RIPOR2: variants seen among roughly 807,000 people sequenced by gnomAD.
RIPOR2 encodes rho family-interacting cell polarization regulator 2.
A neutral mutation model predicts 114.5 loss-of-function variants in RIPOR2; 39 were observed. That is an observed-to-expected ratio of 0.34 (90% CI 0.26 to 0.44). The LOEUF is 0.44. Among genes scored for constraint, RIPOR2 ranks in the 20% least tolerant of loss-of-function variants. The probability of loss-of-function intolerance (pLI) is 1.00; values close to 1 mark genes in which losing one functional copy is unlikely to be tolerated. For synonymous variants in RIPOR2, 445 were observed against 484.4 expected, an observed-to-expected ratio of 0.92 and a Z score of 1.07; for missense variants, 1,007 against 1,255.1, an observed-to-expected ratio of 0.80 and a Z score of 2.99.
intron 1 of RIPOR2, among the ~76,000 whole-genome samples, chr6:24,995,526 A>G (rs897673955): frequency 2.0e-5 from 3 of 152,216 alleles, no homozygotes; most frequent in Non-Finnish European, 4.4e-5. Flanking sequence ...ACAGTTTGTC[A>G]TCCTCTAGAT....
At chr6:24,980,255 T>C (rs1391628903) in intron 1 of RIPOR2, among the ~76,000 whole-genome samples, 1 of 152,180 alleles carries the variant, frequency 6.6e-6, no homozygotes, top group African/African-American at 2.4e-5. Context: ...TTTGTCCAGA[T>C]TCAGAAATTA....
intron 1 of RIPOR2, among the ~76,000 whole-genome samples, chr6:24,941,412 A>G (rs1772128129): frequency 1.3e-5 from 2 of 151,892 alleles, no homozygotes; most frequent in South Asian, 4.2e-4. Context: ...TGGTTCTGGG[A>G]TTTGACAGGG....
rs1766566595 is a variant in RIPOR2, at chr6:24,883,898, G to T, written c.62-8081C>A. 6.6e-6 allele frequency among the ~76,000 whole-genome samples: 1 copy of T among 152,110 alleles called. No individual in the cohort carries two copies. Among genetic ancestry groups the T allele is most frequent in the Non-Finnish European group, 1.5e-5 (1 of 68,032 alleles). ...CCTGTTTATGCTCCCCCACATCGTG[G>T]TCAAAAGCAGATGTATAATTGACTT... On this transcript the variant is annotated intron_variant, in intron 1 of 21. Transcript: ENST00000643898. The surrounding 1 kb of genome is among the most constrained non-coding windows in gnomAD (Gnocchi z 4.1).
At position 24,843,216 on chromosome 6, in the gene RIPOR2, C is replaced by T; in HGVS notation, c.1503G>A (p.Gln501=). The T allele has an allele frequency of 1.2e-6, 2 of 1,614,036 alleles. No individual in the cohort carries two copies. Among genetic ancestry groups the T allele is most frequent in the South Asian group, 1.1e-5 (1 of 91,084 alleles). ...ASAPSEACRR[Q]SSGAGAEHLF... ...GGTGCTCAGCCCCAGCACCTGAGGA[C>T]TGTCGGCGGCAAGCCTCAGATGGGG... is the stretch of plus-strand genomic sequence containing the variant. Residue 501 remains glutamine, a synonymous_variant, in exon 13 of 22, where the codon CAG becomes CAA. Transcript: ENST00000643898.
Position 24,935,828 on chromosome 6 carries a change from A to T in RIPOR2, c.61+10T>A. 1.3e-6 allele frequency: 2 copies of T among 1,531,596 alleles called. No individual in the cohort carries two copies. Among genetic ancestry groups the T allele is most frequent in the Non-Finnish European group, 8.7e-7 (1 of 1,143,244 alleles). 94.9% of individuals were successfully genotyped at this position (1,531,596 alleles called of 1,614,324 possible). On this transcript the variant is annotated intron_variant, in intron 1 of 21. Coordinates refer to ENST00000643898, the MANE Select transcript of RIPOR2 (RefSeq NM_001286445.3). ...GACCGGAGAGCCTCCTGCCAGAAAG[A>T]TGCATTTACCTTCACCAAAAACATC...
rs553833479 is a variant in RIPOR2, at chr6:24,828,589, C to T, written c.2507-294G>A. Among the ~76,000 whole-genome samples the T allele has an allele frequency of 1.2e-4, 18 of 152,224 alleles. No individual in the cohort carries two copies. The South Asian group carries it at 3.1e-3, about 26-fold the overall frequency. Reference sequence around the variant, plus strand: ...TGGATGGTTTTGCACATGTGCACACCTGTGTAACTGCCATTTAGATCAAGA... The same window carrying T: ...TGGATGGTTTTGCACATGTGCACACTTGTGTAACTGCCATTTAGATCAAGA... On this transcript the variant is annotated intron_variant, in intron 17 of 21. Transcript: ENST00000643898.
intron 1 of RIPOR2, among the ~76,000 whole-genome samples, chr6:24,968,830 C>A (rs1773648874): frequency 6.6e-6 from 1 of 152,162 alleles, no homozygotes; most frequent in Non-Finnish European, 1.5e-5. Flanking sequence ...GTACAGTCTT[C>A]AGCACCAAAG....
chr6:24,865,262 G>A (rs759311280), intron 7 of RIPOR2, 39 bp downstream of exon 7: 1 of 1,555,506 alleles, frequency 6.4e-7, no homozygotes, highest in Admixed American at 1.8e-5. Flanking sequence ...CACCAGGCCA[G>A]ATGGGATTCG....
At chr6:24,979,403 A>C (rs1428882281) in intron 1 of RIPOR2, among the ~76,000 whole-genome samples, 1 of 150,830 alleles carries the variant, frequency 6.6e-6, no homozygotes, top group Admixed American at 6.7e-5. Context: ...ACCCTCTTCC[A>C]AGTCATCCCA....
At chr6:24,810,421 A>C (rs971924850) in intron 20 of RIPOR2, among the ~76,000 whole-genome samples, 10 of 152,218 alleles carry the variant, frequency 6.6e-5, no homozygotes, top group Non-Finnish European at 1.3e-4. Flanking sequence ...TAATTAAAAA[A>C]TTCTTACTAT....
In RIPOR2 at chr6:24,804,431, A is replaced by C. The variant is rs1371721155; in HGVS notation, c.*1942T>G. 3.2e-5 allele frequency: 4 copies of C among 123,134 alleles called. No individual in the cohort carries two copies. The highest frequency in any genetic ancestry group is 1.1e-4 in the African/African-American group (4 of 37,606). 7.6% of individuals were successfully genotyped at this position (123,134 alleles called of 1,614,324 possible). A position where few individuals can be genotyped will look rare whatever the true frequency, so the allele number is the denominator to read the frequency against. On this transcript the variant is annotated 3_prime_UTR_variant, in exon 22 of 22. Coordinates refer to ENST00000643898, the MANE Select transcript of RIPOR2 (RefSeq NM_001286445.3). Reference sequence around the variant, plus strand: ...ATCTGGAATTAATTACTCATGCAATAGTCAAAATAAAAAATAAAAAAATGA... The same window carrying C: ...ATCTGGAATTAATTACTCATGCAATCGTCAAAATAAAAAATAAAAAAATGA...
intron 1 of RIPOR2, among the ~76,000 whole-genome samples, chr6:24,880,199 G>A (rs1029911268): frequency 1.3e-5 from 2 of 152,194 alleles, no homozygotes; most frequent in Admixed American, 1.3e-4. Context: ...CACAGGCAAT[G>A]TTAATAGTAA....
intron 1 of RIPOR2, among the ~76,000 whole-genome samples, chr6:24,922,569 G>A (rs1293934498): frequency 3.3e-5 from 5 of 151,754 alleles, no homozygotes; most frequent in African/African-American, 1.2e-4. Context: ...TAAAAAAAAT[G>A]TGGTAAGGGG....
chr6:24,953,534 G>A (rs971280600), intron 1 of RIPOR2, among the ~76,000 whole-genome samples: 1 of 152,192 alleles, frequency 6.6e-6, no homozygotes. Context: ...CGAATCAGCT[G>A]AGATGGGGTT....
At chr6:25,024,523 A>T in intron 1 of RIPOR2, 1 of 669,528 alleles carries the variant, frequency 1.5e-6, no homozygotes, top group East Asian at 3.2e-5. Context: ...CAGCGTCTGG[A>T]ATCTGTCTTC....
intron 1 of RIPOR2, among the ~76,000 whole-genome samples, chr6:24,901,893 A>T (rs1374270717): frequency 6.6e-6 from 1 of 152,216 alleles, no homozygotes; most frequent in African/African-American, 2.4e-5. Context: ...ATATTACATC[A>T]CAGGGTTGTT....
At chr6:25,003,233 T>G (rs1002793109) in intron 1 of RIPOR2, among the ~76,000 whole-genome samples, 2 of 152,032 alleles carry the variant, frequency 1.3e-5, no homozygotes, top group African/African-American at 2.4e-5. Context: ...ACAAAACCAT[T>G]CAGCAATCAT....
intron 1 of RIPOR2, among the ~76,000 whole-genome samples, chr6:24,956,467 A>G (rs652324): frequency 0.79 from 120,841 of 152,198 alleles, 51,585 homozygotes; most frequent in East Asian, 0.96. Context: ...ATGAGCTGAC[A>G]TAATTTTTAT....
intron 1 of RIPOR2, among the ~76,000 whole-genome samples, chr6:24,885,421 G>T (rs952218878): frequency 1.3e-5 from 2 of 151,882 alleles, no homozygotes; most frequent in African/African-American, 4.8e-5. Flanking sequence ...ACGAGATGTT[G>T]CTATGCTGGC....
Sources: allele counts gnomAD v4.1 joint callset (sites outside exome capture counted in the v4.1 genomes callset), GRCh38; gene constraint gnomAD v4.1.1; non-coding constraint Gnocchi (gnomAD v3.1); transcripts MANE v1.5; gene names NCBI Gene and HGNC (gene_info 2026-07-23, HGNC 2026-07-21).